The following IMMP2L variants were observed in gnomAD, a reference collection of about 807,000 sequenced individuals.
IMMP2L encodes mitochondrial inner membrane protease subunit 2.
IMMP2L carries 18 observed loss-of-function variants against 19.3 expected under a neutral mutation model. The observed-to-expected ratio is 0.93, with a 90% CI of 0.64 to 1.38. The LOEUF (loss-of-function observed/expected upper bound fraction) is 1.38, where lower values mean the gene tolerates loss of function less well. Among genes scored for constraint, IMMP2L ranks in the 40% most tolerant of loss-of-function variants. The pLI is 0.00. For synonymous variants in IMMP2L, 76 were observed against 73.0 expected, an observed-to-expected ratio of 1.04 and a Z score of -0.21; for missense variants, 233 against 218.2, an observed-to-expected ratio of 1.07 and a Z score of -0.43.
intron 5 of IMMP2L, among the ~76,000 whole-genome samples, chr7:110,850,974 T>C (rs911405226): frequency 4.0e-5 from 6 of 151,838 alleles, no homozygotes; most frequent in Non-Finnish European, 8.8e-5. Context: ...TTAATAACCA[T>C]GTAAAAATTT....
rs530505221 is a variant in IMMP2L at position 111,543,275 on chromosome 7, T to G, written c.-3+18576A>C. On this transcript the variant is annotated intron_variant, in intron 1 of 5. Transcript: ENST00000405709. ...TTTCTCCAGTAGTTCATTATCTATC[T>G]ATTAAAACATTCATAACCATATTAG... Among the ~76,000 whole-genome samples, 442 of 152,278 alleles carry G rather than the reference T, an allele frequency of 2.9e-3. 7 individuals are homozygous for G. The highest frequency in any genetic ancestry group is 0.01 in the African/African-American group (426 of 41,568).
chr7:110,976,538 GA>G (rs1225289639), intron 3 of IMMP2L, among the ~76,000 whole-genome samples: 1 of 152,004 alleles, frequency 6.6e-6, no homozygotes, highest in Non-Finnish European at 1.5e-5. Context: ...TGGCAACTGA[GA>G]TTTTAAAAAA....
rs1374800315 is a variant in IMMP2L at position 111,182,863 on chromosome 7, T to C, written c.240-219298A>G. ...GGGTTCTCTCAAGTGCTTATGTAAATTGAAATTTGGAAGACAGCGATTCAC... is the reference window on the plus strand; with the variant it reads ...GGGTTCTCTCAAGTGCTTATGTAAACTGAAATTTGGAAGACAGCGATTCAC... On this transcript the variant is annotated intron_variant, in intron 3 of 5. Transcript: ENST00000405709. 3.9e-5 allele frequency among the ~76,000 whole-genome samples: 6 copies of C among 152,116 alleles called. No homozygotes were observed. The East Asian group carries it at 1.2e-3, about 29-fold the overall frequency.
At chr7:111,242,235 C>T (rs1815160787) in intron 3 of IMMP2L, among the ~76,000 whole-genome samples, 2 of 152,020 alleles carry the variant, frequency 1.3e-5, no homozygotes, top group African/African-American at 4.8e-5. Flanking sequence ...TCAGTCAGTT[C>T]AGTCATAAAT....
At chr7:111,284,167 T>TA (rs35248380) in intron 3 of IMMP2L, among the ~76,000 whole-genome samples, 3 of 151,638 alleles carry the variant, frequency 2.0e-5, no homozygotes, top group Admixed American at 6.6e-5. Flanking sequence ...TGCAGCCATC[T>TA]AAAAAAAACA....
At chr7:111,249,444 C>G (rs933544457) in intron 3 of IMMP2L, among the ~76,000 whole-genome samples, 1 of 149,432 alleles carries the variant, frequency 6.7e-6, no homozygotes, top group African/African-American at 2.5e-5. Flanking sequence ...GAGATGAACC[C>G]GGTACCTCAG....
intron 3 of IMMP2L, among the ~76,000 whole-genome samples, chr7:110,966,965 A>G (rs1819604896): frequency 6.6e-6 from 1 of 152,126 alleles, no homozygotes; most frequent in Non-Finnish European, 1.5e-5. Flanking sequence ...TCCCCAATAA[A>G]TACTAAAATT....
chr7:110,693,293 A>C (rs567128756), intron 5 of IMMP2L, among the ~76,000 whole-genome samples: 1 of 152,288 alleles, frequency 6.6e-6, no homozygotes, highest in Non-Finnish European at 1.5e-5. Flanking sequence ...CATCTGTCTC[A>C]ACCACTCTGG....
chr7:111,050,183 G>A (rs1290818920), intron 3 of IMMP2L, among the ~76,000 whole-genome samples: 1 of 152,164 alleles, frequency 6.6e-6, no homozygotes, highest in Non-Finnish European at 1.5e-5. Flanking sequence ...GTCCTTTCAC[G>A]AAAACCTTTT....
Position 111,477,252 on chromosome 7 carries a change from T to C in IMMP2L, c.239+9986A>G, listed in dbSNP as rs537250166. 3.2e-3 allele frequency among the ~76,000 whole-genome samples: 482 copies of C among 152,256 alleles called. 3 individuals are homozygous for C. Among genetic ancestry groups the C allele is most frequent in the African/African-American group, 0.011 (466 of 41,552 alleles). On this transcript the variant is annotated intron_variant, in intron 3 of 5. Transcript: ENST00000405709. ...CCCTCTACCAACCACCAGGGCTGGCTTCATGGCAATGTGACCAGTGCAGTC... is the reference window on the plus strand; with the variant it reads ...CCCTCTACCAACCACCAGGGCTGGCCTCATGGCAATGTGACCAGTGCAGTC...
At chr7:110,866,090 AT>A (rs1270289363) in intron 5 of IMMP2L, among the ~76,000 whole-genome samples, 11 of 151,616 alleles carry the variant, frequency 7.3e-5, no homozygotes, top group African/African-American at 1.5e-4. Context: ...CATGATTGAC[AT>A]TTTTTTTCCC....
At chr7:111,285,500 A>G (rs768545792) in intron 3 of IMMP2L, among the ~76,000 whole-genome samples, 1 of 152,150 alleles carries the variant, frequency 6.6e-6, no homozygotes, top group Non-Finnish European at 1.5e-5. Context: ...ATTTCAGAAC[A>G]CTAGCTTAAA....
chr7:111,071,575 C>T (rs1794955070), intron 3 of IMMP2L, among the ~76,000 whole-genome samples: 1 of 152,102 alleles, frequency 6.6e-6, no homozygotes, highest in Admixed American at 6.6e-5. Flanking sequence ...AGTACTGATT[C>T]ATGCTACAAT....
chr7:111,267,956 C>G lies in IMMP2L; in HGVS notation c.239+219282G>C, dbSNP rs973196687. On this transcript the variant is annotated intron_variant, in intron 3 of 5. Transcript: ENST00000405709. ...AGTAGTAAATTCTGGCCCATTCATG[C>G]CTGTATGCTATCTATTTAAGTATGG... 1.2e-4 allele frequency among the ~76,000 whole-genome samples: 18 copies of G among 151,338 alleles called. 1 individual carries two copies. Among genetic ancestry groups the G allele is most frequent in the Non-Finnish European group, 1.2e-4 (8 of 67,496 alleles).
intron 3 of IMMP2L, among the ~76,000 whole-genome samples, chr7:111,319,637 C>T (rs940118268): frequency 6.6e-6 from 1 of 152,042 alleles, no homozygotes; most frequent in African/African-American, 2.4e-5. Context: ...AATAACAACC[C>T]TATAATCTGT....
chr7:111,206,195 G>A lies in IMMP2L; in HGVS notation c.240-242630C>T, dbSNP rs552765202. ...CAGATCTCACTATTAGTAAAGACCA[G>A]AGGTTTTTCATTACGTCTCCCTTAG... On this transcript the variant is annotated intron_variant, in intron 3 of 5. Coordinates refer to ENST00000405709, the MANE Select transcript of IMMP2L (RefSeq NM_032549.4). 2.6e-5 allele frequency among the ~76,000 whole-genome samples: 4 copies of A among 152,198 alleles called. No homozygotes were observed. The East Asian group carries it at 5.8e-4, about 22-fold the overall frequency.
intron 4 of IMMP2L, among the ~76,000 whole-genome samples, chr7:110,938,680 T>C (rs1270698744): frequency 1.3e-5 from 2 of 152,120 alleles, no homozygotes; most frequent in Non-Finnish European, 2.9e-5. Context: ...CAGACTTCAC[T>C]GCCATGCAAT....
intron 5 of IMMP2L, among the ~76,000 whole-genome samples, chr7:110,746,416 T>A (rs1328029146): frequency 6.6e-6 from 1 of 152,164 alleles, no homozygotes; most frequent in Non-Finnish European, 1.5e-5. Context: ...CTAGTAGACA[T>A]CTACAGAACT....
At chr7:111,232,479 T>A (rs1813822104) in intron 3 of IMMP2L, among the ~76,000 whole-genome samples, 1 of 151,830 alleles carries the variant, frequency 6.6e-6, no homozygotes. Context: ...ACAGATGGAC[T>A]GCAAAGGCCA....
Sources: allele counts gnomAD v4.1 joint callset (sites outside exome capture counted in the v4.1 genomes callset), GRCh38; gene constraint gnomAD v4.1.1; transcripts MANE v1.5; gene names NCBI Gene and HGNC (gene_info 2026-07-23, HGNC 2026-07-21).